Variants in RFC3 observed in about 807,000 individuals in gnomAD.
RFC3 encodes the protein A1 38 kDa subunit.
In RFC3, 41 loss-of-function variants were observed where a neutral mutation model predicts 45.1. The observed-to-expected ratio is 0.91, with a 90% confidence interval of 0.71 to 1.18. The LOEUF (loss-of-function observed/expected upper bound fraction) is 1.18, where lower values mean the gene tolerates loss of function less well. Among genes scored for constraint, RFC3 ranks in the 50% most tolerant of loss-of-function variants. The pLI, the probability that RFC3 is intolerant of heterozygous loss-of-function variation, is 0.00. For synonymous variants in RFC3, 149 were observed against 144.0 expected, an observed-to-expected ratio of 1.03 and a Z score of -0.25; for missense variants, 423 against 428.1, an observed-to-expected ratio of 0.99 and a Z score of 0.10.
intron 8 of RFC3, among the ~76,000 whole-genome samples, chr13:33,902,447 C>T (rs1374739174): frequency 6.6e-6 from 1 of 152,002 alleles, no homozygotes; most frequent in Non-Finnish European, 1.5e-5. Flanking sequence ...GTCCATGTCA[C>T]TTATTAATTA....
chr13:33,966,286 C>T (rs2083087458), exon 9 of RFC3: 1 of 655,552 alleles, frequency 1.5e-6, no homozygotes. Flanking sequence ...AAAATCCCTC[C>T]CTGACCCACT....
intron 8 of RFC3, among the ~76,000 whole-genome samples, chr13:33,876,403 A>T (rs1165607597): frequency 6.6e-6 from 1 of 152,196 alleles, no homozygotes. Flanking sequence ...TATTTTAATC[A>T]ATGTTCATTG....
At chr13:33,911,589 C>T (rs1218504842) in intron 8 of RFC3, among the ~76,000 whole-genome samples, 3 of 152,018 alleles carry the variant, frequency 2.0e-5, no homozygotes, top group South Asian at 2.1e-4. Flanking sequence ...GATCAGCTTT[C>T]GGTGAGGGCT....
At position 33,885,250 on chromosome 13, in the gene RFC3, C is replaced by G. The variant is rs576261087; in HGVS notation, c.879+50033C>G. 3.3e-5 allele frequency among the ~76,000 whole-genome samples: 5 copies of G among 151,926 alleles called. No individual in the cohort carries two copies. The South Asian group carries it at 1.0e-3, about 32-fold the overall frequency. ...TATCACATCATAGAATAATATCATA[C>G]TATGAAAATATAAATATTTGAGACA... is the stretch of plus-strand genomic sequence containing the variant. On this transcript the variant is annotated intron_variant, in intron 8 of 8. Transcript: ENST00000434425.
chr13:33,876,075 T>G (rs1444211132), intron 8 of RFC3, among the ~76,000 whole-genome samples: 2 of 152,244 alleles, frequency 1.3e-5, no homozygotes, highest in Non-Finnish European at 2.9e-5. Context: ...TGTCTGCTTC[T>G]CCTATTGTAT....
intron 8 of RFC3, among the ~76,000 whole-genome samples, chr13:33,926,029 TA>T: frequency 6.6e-6 from 1 of 151,834 alleles, no homozygotes. Flanking sequence ...TATGCAGCCA[TA>T]AAAAATGATG....
At chr13:33,886,805 C>A (rs983277435) in intron 8 of RFC3, among the ~76,000 whole-genome samples, 1 of 128,580 alleles carries the variant, frequency 7.8e-6, no homozygotes, top group African/African-American at 2.9e-5. Flanking sequence ...CCACAACAGT[C>A]CCCAGAGTGT....
intron 8 of RFC3, among the ~76,000 whole-genome samples, chr13:33,896,096 C>A (rs1465861228): frequency 6.6e-6 from 1 of 151,858 alleles, no homozygotes; most frequent in Non-Finnish European, 1.5e-5. Flanking sequence ...TAATCTCTAA[C>A]TTCGCCACTG....
downstream of RFC3, among the ~76,000 whole-genome samples, chr13:33,840,903 A>G (rs950528731): frequency 2.0e-5 from 3 of 152,228 alleles, no homozygotes; most frequent in Admixed American, 2.0e-4. Context: ...AACTTTCACA[A>G]ACTCAGACCA....
Position 33,898,861 on chromosome 13 carries a change from T to C in RFC3, c.879+63644T>C, listed in dbSNP as rs955600181. 2.0e-5 allele frequency among the ~76,000 whole-genome samples: 3 copies of C among 151,668 alleles called. No homozygotes were observed. The East Asian group carries it at 5.8e-4, about 29-fold the overall frequency. On this transcript the variant is annotated intron_variant, in intron 8 of 8. Coordinates refer to the RFC3 transcript ENST00000434425. ...TACACAAAATCCTTAGAGACTGTTA[T>C]GCTATTATGAGCAACTGTAGGCCAA...
At chr13:33,864,906 T>G (rs2082363523) in intron 8 of RFC3, among the ~76,000 whole-genome samples, 1 of 152,196 alleles carries the variant, frequency 6.6e-6, no homozygotes, top group African/African-American at 2.4e-5. Context: ...CTTGGACATA[T>G]GATGTTGCAG....
intron 8 of RFC3, among the ~76,000 whole-genome samples, chr13:33,926,271 G>A (rs929673037): frequency 4.0e-5 from 6 of 151,000 alleles, no homozygotes; most frequent in African/African-American, 1.5e-4. Context: ...TGACGAGTTA[G>A]TGGGTGCAGC....
At chr13:33,858,243 C>CT (rs1446866401) in intron 8 of RFC3, among the ~76,000 whole-genome samples, 1 of 152,106 alleles carries the variant, frequency 6.6e-6, no homozygotes, top group Non-Finnish European at 1.5e-5. Context: ...GCTTCACAGT[C>CT]TTCTGTTTTG....
chr13:33,849,965 G>C (rs1256865739), intron 8 of RFC3: 1 of 152,138 alleles, frequency 6.6e-6, no homozygotes, highest in Non-Finnish European at 1.5e-5. Context: ...CCTGGGTTGA[G>C]AATATTAATT....
At chr13:33,901,143 C>G (rs75535950) in intron 8 of RFC3, among the ~76,000 whole-genome samples, 9,135 of 151,846 alleles carry the variant, frequency 0.06, 363 homozygotes, top group South Asian at 0.11. Flanking sequence ...AAATTCGTCA[C>G]AAAAATAAAA....
At chr13:33,830,102 A>G (rs988699406) in intron 5 of RFC3, 85 bp downstream of exon 5, 11 of 1,257,914 alleles carry the variant, frequency 8.7e-6, no homozygotes, top group African/African-American at 4.5e-5. Context: ...AGGGAATCGT[A>G]TCAGTAATTT....
chr13:33,961,915 G>T (rs1384604320), intron 8 of RFC3, among the ~76,000 whole-genome samples: 1 of 152,204 alleles, frequency 6.6e-6, no homozygotes, highest in Non-Finnish European at 1.5e-5. Context: ...GCTATACCGT[G>T]AAATCTTTTC....
chr13:33,925,627 CATAT>C (rs949891264), intron 8 of RFC3, among the ~76,000 whole-genome samples: 2 of 149,722 alleles, frequency 1.3e-5, no homozygotes, highest in Non-Finnish European at 3.0e-5. Flanking sequence ...TATATACATA[CATAT>C]ATATGTATAT....
intron 1 of RFC3, 23 bp downstream of exon 1, chr13:33,818,288 C>T (rs1566373400): frequency 6.2e-7 from 1 of 1,605,858 alleles, no homozygotes; most frequent in Non-Finnish European, 8.5e-7. Flanking sequence ...GGGCCGGGAG[C>T]GTGGGAGAGG....
Sources: gnomAD v4.1 joint callset for allele counts (sites outside exome capture counted in the v4.1 genomes callset) on GRCh38, gnomAD v4.1.1 for gene constraint, MANE v1.5 for transcripts, NCBI Gene and HGNC (gene_info 2026-07-23, HGNC 2026-07-21) for gene names.